The following SGF29 variants were observed in gnomAD, a reference collection of about 807,000 sequenced individuals.
SGF29 encodes SAGA complex associated factor 29.
A neutral mutation model predicts 38.1 loss-of-function variants in SGF29; 15 were observed. That is an observed-to-expected ratio of 0.39 (90% CI 0.26 to 0.61). SGF29 has a LOEUF of 0.61. Among genes scored for constraint, SGF29 ranks in the 20% least tolerant of loss-of-function variants. The probability of loss-of-function intolerance (pLI) is 0.49; values close to 1 mark genes in which losing one functional copy is unlikely to be tolerated. For synonymous variants in SGF29, 151 were observed against 160.8 expected, an observed-to-expected ratio of 0.94 and a Z score of 0.46; for missense variants, 184 against 394.6, an observed-to-expected ratio of 0.47 and a Z score of 4.52.
intron 1 of SGF29, among the ~76,000 whole-genome samples, chr16:28,564,728 CATATATATGT>C (rs2046822695): frequency 1.0e-4 from 7 of 70,232 alleles, no homozygotes; most frequent in African/African-American, 3.4e-4. Flanking sequence ...TATATATATA[CATATATATGT>C]ATATATGTAT....
intron 1 of SGF29, among the ~76,000 whole-genome samples, chr16:28,574,879 C>A (rs1474998833): frequency 3.9e-5 from 6 of 152,170 alleles, no homozygotes; most frequent in Non-Finnish European, 8.8e-5. Context: ...CACTTTTATT[C>A]TTTTGTGTGG....
intron 1 of SGF29, among the ~76,000 whole-genome samples, chr16:28,566,686 C>G (rs1032511000): frequency 1.3e-5 from 2 of 151,604 alleles, no homozygotes; most frequent in Non-Finnish European, 2.9e-5. Context: ...GAGGCTGAGC[C>G]TGGAGAGAGA....
At chr16:28,559,194 C>T (rs1413416015) in intron 1 of SGF29, among the ~76,000 whole-genome samples, 6 of 152,058 alleles carry the variant, frequency 3.9e-5, no homozygotes, top group Non-Finnish European at 8.8e-5. Flanking sequence ...GTGGTGCACA[C>T]CTGTAGTCCC....
intron 2 of SGF29, among the ~76,000 whole-genome samples, chr16:28,584,383 G>A (rs920260572): frequency 3.3e-5 from 5 of 151,910 alleles, no homozygotes; most frequent in African/African-American, 9.7e-5. Flanking sequence ...GGCCATAGCC[G>A]GGCGCCCTTG....
At chr16:28,587,345 G>A (rs1206526283) in intron 4 of SGF29, among the ~76,000 whole-genome samples, 1 of 152,200 alleles carries the variant, frequency 6.6e-6, no homozygotes, top group Non-Finnish European at 1.5e-5. Flanking sequence ...AGACAGTTTA[G>A]GACAGGCTGT....
At position 28,590,836 on chromosome 16, in the gene SGF29, G is replaced by A. The variant is rs748903840; in HGVS notation, c.666G>A (p.Thr222=). ...CCCAGTGGAAGGCCAACCCGGAGACGGACCCTGAGGCCTTGTTCCAGAAGG... is the reference window on the plus strand; with the variant it reads ...CCCAGTGGAAGGCCAACCCGGAGACAGACCCTGAGGCCTTGTTCCAGAAGG... ...PLPQWKANPE[T]DPEALFQKEQ... Residue 222 remains threonine, a synonymous_variant, in exon 9 of 10, where the codon ACG becomes ACA. Coordinates refer to ENST00000317058, the MANE Select transcript of SGF29 (RefSeq NM_138414.3). The surrounding 1 kb of genome is among the most constrained non-coding windows in gnomAD (Gnocchi z 8.2). 3.1e-6 allele frequency: 5 copies of A among 1,613,880 alleles called. No homozygotes were observed. The highest frequency in any genetic ancestry group is 1.7e-6 in the Non-Finnish European group (2 of 1,179,966).
rs767355452 is a variant in SGF29, at chr16:28,590,754, T to C, written c.603-19T>C. ...ATCCCCACCCGGCCACAGGTTGATA[T>C]AAGCCCCTCTTCCCCCAGGAGACAC... On this transcript the variant is annotated intron_variant, in intron 8 of 9. Transcript: ENST00000317058. This position sits in a 1 kb window ranked among gnomAD's most constrained non-coding sequence, Gnocchi z 8.2. 16 of 1,613,872 alleles carry C rather than the reference T, an allele frequency of 9.9e-6. 1 individual carries two copies. In the South Asian group the frequency reaches 1.6e-4, roughly 17 times the overall value.
At chr16:28,571,486 G>T (rs1307413863) in intron 1 of SGF29, among the ~76,000 whole-genome samples, 2 of 151,898 alleles carry the variant, frequency 1.3e-5, no homozygotes, top group African/African-American at 4.8e-5. Flanking sequence ...CCAGCTACTT[G>T]GGAGGTTGAG....
At chr16:28,555,448 C>T (rs552878578) in intron 1 of SGF29, among the ~76,000 whole-genome samples, 135 of 152,290 alleles carry the variant, frequency 8.9e-4, no homozygotes, top group African/African-American at 3.1e-3. Flanking sequence ...TGCACTCTAG[C>T]CTGGGTGACA....
intron 1 of SGF29, among the ~76,000 whole-genome samples, chr16:28,573,148 T>C (rs2046874395): frequency 6.6e-6 from 1 of 152,140 alleles, no homozygotes; most frequent in Admixed American, 6.5e-5. Flanking sequence ...TATCATCCCT[T>C]CTGTGACTTT....
chr16:28,589,292 C>A, intron 5 of SGF29, 128 bp downstream of exon 5: 2 of 883,250 alleles, frequency 2.3e-6, no homozygotes, highest in Non-Finnish European at 3.7e-6. Flanking sequence ...GAGGCTCTGG[C>A]AGACTGGCTC....
rs13336329 is a variant in SGF29, at chr16:28,588,720, G to A, written c.225-380G>A. 8.9e-3 allele frequency: 3,324 copies of A among 372,588 alleles called. 114 individuals are homozygous for A. The highest frequency in any genetic ancestry group is 0.067 in the African/African-American group (3,086 of 46,176). 23.1% of individuals were successfully genotyped at this position (372,588 alleles called of 1,614,324 possible). ...GGTGGGATTACAGTTAAAGACGCTCGCCACCACACCTGGCTAAGTTTTGTA... is the reference window on the plus strand; with the variant it reads ...GGTGGGATTACAGTTAAAGACGCTCACCACCACACCTGGCTAAGTTTTGTA... On this transcript the variant is annotated intron_variant, in intron 4 of 9. Coordinates refer to ENST00000317058, the MANE Select transcript of SGF29 (RefSeq NM_138414.3).
intron 1 of SGF29, among the ~76,000 whole-genome samples, chr16:28,556,918 G>A (rs889717036): frequency 3.3e-5 from 5 of 152,196 alleles, no homozygotes; most frequent in South Asian, 2.1e-4. Flanking sequence ...AAAATGCTGG[G>A]ATTACGGTCA....
At chr16:28,579,257 CTTT>C (rs570774951) in intron 1 of SGF29, among the ~76,000 whole-genome samples, 2 of 134,804 alleles carry the variant, frequency 1.5e-5, no homozygotes, top group South Asian at 2.4e-4. Flanking sequence ...TTCTAATTAT[CTTT>C]TTTTTTTTTT....
chr16:28,584,016 C>G (rs973119091), intron 2 of SGF29, among the ~76,000 whole-genome samples: 4 of 150,718 alleles, frequency 2.7e-5, no homozygotes, highest in African/African-American at 9.7e-5. Flanking sequence ...TATGATTTAA[C>G]TTTAATGCCT....
intron 1 of SGF29, among the ~76,000 whole-genome samples, chr16:28,562,580 G>A (rs1002715665): frequency 4.6e-5 from 7 of 151,998 alleles, no homozygotes; most frequent in Admixed American, 6.6e-5. Flanking sequence ...GCTTTATTTT[G>A]GGTACCAAGA....
At chr16:28,591,548 T>C (rs376344461) in intron 9 of SGF29, 42 bp from the exon 10 acceptor site, 304 of 1,432,922 alleles carry the variant, frequency 2.1e-4, no homozygotes, top group Non-Finnish European at 2.9e-4. Flanking sequence ...TGTCCTGGCC[T>C]GGGGGTCTCT....
At chr16:28,584,387 G>T (rs748870323) in intron 2 of SGF29, among the ~76,000 whole-genome samples, 1 of 151,874 alleles carries the variant, frequency 6.6e-6, no homozygotes, top group Non-Finnish European at 1.5e-5. Context: ...ATAGCCGGGC[G>T]CCCTTGCCTG....
Position 28,590,930 on chromosome 16 carries a change from C to T in SGF29, c.760C>T (p.Gln254Ter). Residue 254 changes from glutamine to a stop codon, truncating the protein, a stop_gained, in exon 9 of 10, where the codon CAG (glutamine) becomes TAG (stop). Coordinates refer to ENST00000317058, the MANE Select transcript of SGF29 (RefSeq NM_138414.3). LOFTEE classifies it high-confidence loss of function. This position sits in a 1 kb window ranked among gnomAD's most constrained non-coding sequence, Gnocchi z 8.2. Reference sequence around the variant, plus strand: ...CCGCGCCCTGATCCATGCGCCCCCACAGCGGGTAAAGCAGCCTCCAGGGGA... The same window carrying T: ...CCGCGCCCTGATCCATGCGCCCCCATAGCGGGTAAAGCAGCCTCCAGGGGA... ...FYRALIHAPPQRPQDDYSVLF... is the reference protein window; with the variant it reads ...FYRALIHAPP The T allele has an allele frequency of 6.2e-7, 1 of 1,608,960 alleles. No homozygotes were observed. Among genetic ancestry groups the T allele is most frequent in the Non-Finnish European group, 8.5e-7 (1 of 1,177,422 alleles).
Sources: allele counts gnomAD v4.1 joint callset (sites outside exome capture counted in the v4.1 genomes callset), GRCh38; gene constraint gnomAD v4.1.1; non-coding constraint Gnocchi (gnomAD v3.1); transcripts MANE v1.5; gene names NCBI Gene and HGNC (gene_info 2026-07-23, HGNC 2026-07-21).